The following SLC17A8 variants were observed in gnomAD, a reference collection of about 807,000 sequenced individuals.
The protein encoded by SLC17A8 is solute carrier family 17 member 8.
Under a neutral mutation model 58.0 loss-of-function variants are expected in SLC17A8, and 31 were observed. The observed-to-expected ratio is 0.53, with a 90% confidence interval of 0.40 to 0.72. The LOEUF (loss-of-function observed/expected upper bound fraction) is 0.72. SLC17A8 is among the 30% of genes least tolerant of loss of function. The pLI, the probability that SLC17A8 is intolerant of heterozygous loss-of-function variation, is 0.00. For missense variants in SLC17A8, 655 were observed against 727.8 expected (o/e 0.90, Z 1.15); for synonymous variants, 228 against 249.0 (o/e 0.92, Z 0.79).
chr12:100,373,175 T>C (rs552260386), intron 1 of SLC17A8, among the ~76,000 whole-genome samples: 1 of 152,178 alleles, frequency 6.6e-6, no homozygotes, highest in South Asian at 2.1e-4. Context: ...GAAACAACAA[T>C]GAGAATGTCA....
chr12:100,372,988 T>G (rs1433243152), intron 1 of SLC17A8, among the ~76,000 whole-genome samples: 3 of 152,176 alleles, frequency 2.0e-5, no homozygotes, highest in African/African-American at 7.2e-5. Context: ...AGTGGGAACA[T>G]TTGAATTGCA....
intron 2 of SLC17A8, among the ~76,000 whole-genome samples, chr12:100,386,325 A>G (rs562842307): frequency 2.6e-5 from 4 of 152,206 alleles, no homozygotes; most frequent in Admixed American, 2.6e-4. Context: ...AATGCTTAAC[A>G]TGAGAGCTAC....
intron 10 of SLC17A8, among the ~76,000 whole-genome samples, chr12:100,415,728 C>T (rs35811428): frequency 6.6e-6 from 1 of 152,090 alleles, no homozygotes; most frequent in Non-Finnish European, 1.5e-5. Context: ...CCACACCTGG[C>T]CTTCTTGCCA....
intron 2 of SLC17A8, among the ~76,000 whole-genome samples, chr12:100,385,584 T>C (rs1379956922): frequency 6.6e-6 from 1 of 152,014 alleles, no homozygotes; most frequent in African/African-American, 2.4e-5. Context: ...TGGTAGTCAG[T>C]CGGGGAGAAT....
chr12:100,419,031 T>C (rs996429319), intron 11 of SLC17A8, among the ~76,000 whole-genome samples: 2 of 152,206 alleles, frequency 1.3e-5, no homozygotes, highest in Non-Finnish European at 2.9e-5. Flanking sequence ...ATACTTTTTT[T>C]TACACTGAAA....
rs886048791 is a variant in SLC17A8, at chr12:100,420,403, G to A, written c.*244G>A. On this transcript the variant is annotated 3_prime_UTR_variant, in exon 12 of 12. Transcript: ENST00000323346. ...TGACAGTTGACCCTTCTCTCAAAGA[G>A]CTAAACTTATTCAGAAAGGAATGAC... 6.4e-6 allele frequency: 3 copies of A among 472,038 alleles called. No individual in the cohort carries two copies. Among genetic ancestry groups the A allele is most frequent in the Middle Eastern group, 5.6e-4 (1 of 1,770 alleles). 29.2% of individuals were successfully genotyped at this position (472,038 alleles called of 1,614,324 possible). A position where few individuals can be genotyped will look rare whatever the true frequency, so the allele number is the denominator to read the frequency against.
intron 10 of SLC17A8, 22 bp downstream of exon 10, chr12:100,412,902 C>T (rs1437981164): frequency 1.9e-6 from 3 of 1,550,362 alleles, no homozygotes; most frequent in East Asian, 2.2e-5. Context: ...TTTGGGTTTC[C>T]AGATCTTGAC....
chr12:100,367,702 C>T (rs1467889458), intron 1 of SLC17A8, among the ~76,000 whole-genome samples: 1 of 152,150 alleles, frequency 6.6e-6, no homozygotes, highest in African/African-American at 2.4e-5. Flanking sequence ...AGTTGCGAGC[C>T]ACCATGCTTG....
intron 2 of SLC17A8, among the ~76,000 whole-genome samples, chr12:100,389,537 T>G (rs746897341): frequency 1.3e-5 from 2 of 152,110 alleles, no homozygotes; most frequent in Middle Eastern, 3.4e-3. Flanking sequence ...TCCTTAGCAT[T>G]CATTGCTATT....
intron 3 of SLC17A8, among the ~76,000 whole-genome samples, chr12:100,392,396 A>T (rs982541395): frequency 1.3e-5 from 2 of 152,196 alleles, no homozygotes; most frequent in Non-Finnish European, 2.9e-5. Flanking sequence ...ATTTGTATGT[A>T]TGAGTATGGA....
chr12:100,364,688 TC>T (rs1327674073), intron 1 of SLC17A8, among the ~76,000 whole-genome samples: 2 of 152,322 alleles, frequency 1.3e-5, no homozygotes, highest in African/African-American at 4.8e-5. Flanking sequence ...CCACATCTCT[TC>T]CCCAGATCTT....
intron 2 of SLC17A8, among the ~76,000 whole-genome samples, chr12:100,387,219 C>T (rs1323119908): frequency 6.6e-6 from 1 of 152,278 alleles, no homozygotes; most frequent in African/African-American, 2.4e-5. Context: ...TTCCCACCAA[C>T]AGTATATAAG....
chr12:100,398,389 C>A (rs1593001512), intron 5 of SLC17A8, among the ~76,000 whole-genome samples: 1 of 152,198 alleles, frequency 6.6e-6, no homozygotes, highest in Non-Finnish European at 1.5e-5. Flanking sequence ...AGATCCTTGA[C>A]CTTACTTTCT....
intron 1 of SLC17A8, among the ~76,000 whole-genome samples, chr12:100,372,088 A>C (rs1482046740): frequency 6.6e-6 from 1 of 152,192 alleles, no homozygotes; most frequent in African/African-American, 2.4e-5. Context: ...ACATGAGCTA[A>C]ATGGGACCTT....
At chr12:100,358,679 A>G (rs1410638149) in intron 1 of SLC17A8, among the ~76,000 whole-genome samples, 1 of 152,244 alleles carries the variant, frequency 6.6e-6, no homozygotes, top group Non-Finnish European at 1.5e-5. Flanking sequence ...AAAAATTACA[A>G]TAACATTTTT....
intron 1 of SLC17A8, among the ~76,000 whole-genome samples, chr12:100,362,573 T>A (rs1443416421): frequency 6.6e-6 from 1 of 152,080 alleles, no homozygotes; most frequent in African/African-American, 2.4e-5. Flanking sequence ...CGTGACCTGC[T>A]AGCAGCTCTG....
intron 2 of SLC17A8, among the ~76,000 whole-genome samples, chr12:100,381,486 T>A (rs1269797534): frequency 6.6e-6 from 1 of 151,930 alleles, no homozygotes; most frequent in African/African-American, 2.4e-5. Flanking sequence ...AAGTGATGGC[T>A]GGACCAGGCA....
At chr12:100,380,059 C>T (rs768623784) in intron 1 of SLC17A8, among the ~76,000 whole-genome samples, 16 of 151,866 alleles carry the variant, frequency 1.1e-4, no homozygotes, top group Non-Finnish European at 1.8e-4. Flanking sequence ...ATTAGCCTGG[C>T]ATGGTGGTGC....
chr12:100,361,620 T>A (rs951726058), intron 1 of SLC17A8, among the ~76,000 whole-genome samples: 6 of 152,040 alleles, frequency 3.9e-5, no homozygotes, highest in African/African-American at 1.4e-4. Flanking sequence ...GCCTAGAATG[T>A]GATTTAATGA....
Sources: gnomAD v4.1 joint callset for allele counts (sites outside exome capture counted in the v4.1 genomes callset) on GRCh38, gnomAD v4.1.1 for gene constraint, MANE v1.5 for transcripts, NCBI Gene and HGNC (gene_info 2026-07-23, HGNC 2026-07-21) for gene names.